Variants in ZNF124 observed in about 807,000 individuals in gnomAD.
The protein encoded by ZNF124 is zinc finger protein HZF-16.
Under a neutral mutation model 26.6 loss-of-function variants are expected in ZNF124, and 25 were observed. The observed-to-expected ratio is 0.94, with a 90% CI of 0.68 to 1.31. The LOEUF (loss-of-function observed/expected upper bound fraction) is 1.31, where lower values mean the gene tolerates loss of function less well. ZNF124 is among the 40% of genes most tolerant of loss of function. The pLI, the probability that ZNF124 is intolerant of heterozygous loss-of-function variation, is 0.00. For synonymous variants in ZNF124, 129 were observed against 133.3 expected, an observed-to-expected ratio of 0.97 and a Z score of 0.22; for missense variants, 444 against 422.2, an observed-to-expected ratio of 1.05 and a Z score of -0.45.
At chr1:247,130,376 G>A (rs184732392) in intron 3 of ZNF124, among the ~76,000 whole-genome samples, 1 of 152,302 alleles carries the variant, frequency 6.6e-6, no homozygotes, top group Admixed American at 6.5e-5. Flanking sequence ...GGGAAAAATA[G>A]GGACACTGTC....
At chr1:247,143,422 G>A (rs1457967255) in intron 3 of ZNF124, among the ~76,000 whole-genome samples, 13 of 152,098 alleles carry the variant, frequency 8.5e-5, no homozygotes, top group Non-Finnish European at 1.8e-4. Context: ...TTTGACCCCG[G>A]AAGGTGACGG....
At chr1:247,151,344 TG>T (rs1397932226), downstream of ZNF124, among the ~76,000 whole-genome samples, 5 of 152,022 alleles carry the variant, frequency 3.3e-5, no homozygotes, top group Non-Finnish European at 7.4e-5. Flanking sequence ...CCGGGCGTGG[TG>T]GCGGGCGCCT....
downstream of ZNF124, among the ~76,000 whole-genome samples, chr1:247,154,121 CA>C (rs1673023234): frequency 6.9e-6 from 1 of 145,820 alleles, no homozygotes; most frequent in African/African-American, 2.8e-5. Flanking sequence ...ATGTGTGACA[CA>C]CACACACACA....
chr1:247,126,015 G>A (rs1177730681), intron 3 of ZNF124, among the ~76,000 whole-genome samples: 1 of 145,088 alleles, frequency 6.9e-6, no homozygotes, highest in Non-Finnish European at 1.5e-5. Flanking sequence ...TATAATTCCA[G>A]CACTTTGGGA....
chr1:247,124,709 T>C (rs1432255447), intron 3 of ZNF124, among the ~76,000 whole-genome samples: 2 of 152,212 alleles, frequency 1.3e-5, no homozygotes, highest in African/African-American at 2.4e-5. Flanking sequence ...AATCACGCAA[T>C]ATGTGGGGTT....
chr1:247,145,632 TG>T (rs1672743146), intron 3 of ZNF124, among the ~76,000 whole-genome samples: 1 of 142,212 alleles, frequency 7.0e-6, no homozygotes. Flanking sequence ...TAAAAACTTC[TG>T]TTTTTTTTTT....
downstream of ZNF124, among the ~76,000 whole-genome samples, chr1:247,151,333 G>T (rs1672932551): frequency 6.6e-6 from 1 of 152,070 alleles, no homozygotes; most frequent in Non-Finnish European, 1.5e-5. Context: ...CAAAAAATTA[G>T]CCGGGCGTGG....
intron 3 of ZNF124, among the ~76,000 whole-genome samples, chr1:247,137,977 G>A (rs973407636): frequency 2.6e-5 from 4 of 152,110 alleles, no homozygotes; most frequent in Non-Finnish European, 5.9e-5. Context: ...GAGGCTGTGG[G>A]GAAATAGGAA....
rs1338592218 is a variant in ZNF124, at chr1:247,157,379, GT to G, written c.242del (p.Asn81ThrfsTer34). On this transcript the variant is annotated frameshift_variant, in exon 4 of 4. Transcript: ENST00000543802. LOFTEE classifies it high-confidence loss of function. ...NLRHIISHSG[N>X]NPYGCEECGK... is the part of the protein sequence containing the mutation. ...CGCATTCCTCACACCCATATGGGTT[GT>G]TTCCAGAATGAGATATGATGTGCCT... 1 of 1,552,826 alleles carries G rather than the reference GT, an allele frequency of 6.4e-7. No homozygotes were observed. The highest frequency in any genetic ancestry group is 1.2e-5 in the South Asian group (1 of 84,316).
At chr1:247,133,653 CTTTTT>C (rs1163588323) in intron 3 of ZNF124, among the ~76,000 whole-genome samples, 1 of 127,196 alleles carries the variant, frequency 7.9e-6, no homozygotes, top group Non-Finnish European at 1.6e-5. Flanking sequence ...ATTCAATATT[CTTTTT>C]TTTTTTTTTT....
At chr1:247,164,919 G>A (rs1047796151) in intron 1 of ZNF124, among the ~76,000 whole-genome samples, 1 of 151,722 alleles carries the variant, frequency 6.6e-6, no homozygotes, top group African/African-American at 2.4e-5. Context: ...CAGACTGATG[G>A]AGCAGAATGG....
chr1:247,143,488 C>G (rs1672681494), intron 3 of ZNF124, among the ~76,000 whole-genome samples: 1 of 152,124 alleles, frequency 6.6e-6, no homozygotes, highest in Admixed American at 6.6e-5. Flanking sequence ...TCTTAATGAT[C>G]CATCCAGAGC....
chr1:247,156,551 T>C lies in ZNF124; in HGVS notation c.*15A>G. On this transcript the variant is annotated 3_prime_UTR_variant, in exon 4 of 4. Transcript: ENST00000543802. Reference sequence around the variant, plus strand: ...CTGTTCATGTTTTTGACAAAAACTGTAGTGATTAAAGCCTTTACATTTTTT... The same window carrying C: ...CTGTTCATGTTTTTGACAAAAACTGCAGTGATTAAAGCCTTTACATTTTTT... The C allele has an allele frequency of 6.6e-7, 1 of 1,511,796 alleles. No individual in the cohort carries two copies. Among genetic ancestry groups the C allele is most frequent in the African/African-American group, 1.4e-5 (1 of 71,706 alleles). The allele number at this position is 1,511,796 out of a possible 1,614,324, so 93.6% of individuals were successfully genotyped here.
chr1:247,153,345 G>A (rs1282614908), downstream of ZNF124, among the ~76,000 whole-genome samples: 2 of 152,130 alleles, frequency 1.3e-5, no homozygotes, highest in African/African-American at 4.8e-5. Flanking sequence ...GGTAGGTGCT[G>A]CCATTATCAG....
At chr1:247,172,379 G>A (rs1010961577), upstream of ZNF124, among the ~76,000 whole-genome samples, 23 of 152,006 alleles carry the variant, frequency 1.5e-4, no homozygotes, top group Non-Finnish European at 2.9e-4. Flanking sequence ...CTGGTCTTCT[G>A]AGGAAGCAGT....
chr1:247,170,285 A>G (rs975730262), intron 1 of ZNF124, among the ~76,000 whole-genome samples: 2 of 150,344 alleles, frequency 1.3e-5, no homozygotes, highest in African/African-American at 4.9e-5. Context: ...AAACAATTAC[A>G]TTACTGCATC....
At chr1:247,154,015 C>T (rs981639769), downstream of ZNF124, among the ~76,000 whole-genome samples, 15 of 152,212 alleles carry the variant, frequency 9.9e-5, no homozygotes, top group Non-Finnish European at 2.9e-5. Context: ...ACAGAAAACA[C>T]AAGGTCACTA....
chr1:247,142,841 C>A (rs937753529), intron 3 of ZNF124, among the ~76,000 whole-genome samples: 1 of 143,774 alleles, frequency 7.0e-6, no homozygotes, highest in Non-Finnish European at 1.5e-5. Context: ...CAGGTATTGT[C>A]TTTTTTTTTT....
rs925288824 is a variant in ZNF124 at position 247,157,342 on chromosome 1, A to G, written c.280T>C (p.Cys94Arg). ...GTTTTCTGACATTGTTTACATGTAC[A>G]TGGCTTCTTTCCGCATTCCTCACAC... ...YGCEECGKKP[C>R]TCKQCQKTSL... The change falls in exon 4 of 4, where the codon TGT becomes CGT. Residue 94 changes from cysteine to arginine, a missense_variant. Coordinates refer to ENST00000543802, the MANE Select transcript of ZNF124 (RefSeq NM_001297568.2). 10 of 1,561,824 alleles carry G rather than the reference A, an allele frequency of 6.4e-6. No homozygotes were observed. The highest frequency in any genetic ancestry group is 8.7e-6 in the Non-Finnish European group (10 of 1,151,788).
Sources: allele counts gnomAD v4.1 joint callset (sites outside exome capture counted in the v4.1 genomes callset), GRCh38; gene constraint gnomAD v4.1.1; transcripts MANE v1.5; gene names NCBI Gene and HGNC (gene_info 2026-07-23, HGNC 2026-07-21).